PLEKHG4B: variants seen among roughly 807,000 people sequenced by gnomAD.
PLEKHG4B encodes pleckstrin homology domain-containing family G member 4B.
In PLEKHG4B, 111 loss-of-function variants were observed where a neutral mutation model predicts 121.3. That is an observed-to-expected ratio of 0.92 (90% CI 0.78 to 1.07). The LOEUF is 1.07. PLEKHG4B is among the 50% of genes least tolerant of loss of function. PLEKHG4B has a pLI of 0.00. For missense variants in PLEKHG4B, 1,831 were observed against 1,757.8 expected (o/e 1.04, Z -0.74); for synonymous variants, 738 against 725.0 (o/e 1.02, Z -0.29).
At chr5:154,324 T>C (rs541863318) in intron 7 of PLEKHG4B, among the ~76,000 whole-genome samples, 1 of 152,296 alleles carries the variant, frequency 6.6e-6, no homozygotes, top group Admixed American at 6.5e-5. Context: ...CTTTTTCTTT[T>C]TCTTTTTTTT....
intron 2 of PLEKHG4B, among the ~76,000 whole-genome samples, chr5:134,165 G>A (rs1437110734): frequency 1.5e-5 from 2 of 131,382 alleles, no homozygotes; most frequent in Admixed American, 8.3e-5. Context: ...CAAAATAATG[G>A]CATTTGCAGC....
chr5:174,178 G>A, intron 18 of PLEKHG4B, 80 bp downstream of exon 18: 6 of 1,086,166 alleles, frequency 5.5e-6, no homozygotes, highest in Non-Finnish European at 7.5e-6. Flanking sequence ...ACTGGGGTGA[G>A]AGCCAGGGGC....
chr5:155,401 A>C lies in PLEKHG4B; in HGVS notation c.2166A>C (p.Ser722=). Residue 722 remains serine (S), a synonymous_variant, in exon 9 of 20, where the codon TCA becomes TCC. Coordinates refer to ENST00000637938, the MANE Select transcript of PLEKHG4B (RefSeq NM_052909.5). ...CEEAIIFLQN[S]FCSLNTHRTP... ...AAGCCATCATTTTCCTACAGAATTCATTCTGCTCCCTGAACACCCACAGAA... is the reference window on the plus strand; with the variant it reads ...AAGCCATCATTTTCCTACAGAATTCCTTCTGCTCCCTGAACACCCACAGAA... 1 of 1,614,188 alleles carries C rather than the reference A, an allele frequency of 6.2e-7. No homozygotes were observed. Among genetic ancestry groups the C allele is most frequent in the Non-Finnish European group, 8.5e-7 (1 of 1,180,024 alleles).
At chr5:177,747 T>C (rs1310063687) in intron 18 of PLEKHG4B, among the ~76,000 whole-genome samples, 2 of 152,278 alleles carry the variant, frequency 1.3e-5, no homozygotes, top group South Asian at 4.2e-4. Flanking sequence ...TCCTAAGACT[T>C]TCTGGGCCAG....
chr5:107,081 C>T (rs2126345837), intron 1 of PLEKHG4B, among the ~76,000 whole-genome samples: 1 of 152,332 alleles, frequency 6.6e-6, no homozygotes, highest in Non-Finnish European at 1.5e-5. Context: ...TGGATGTAGA[C>T]CCACCTCTCT....
rs74804476 is a variant in PLEKHG4B at position 131,532 on chromosome 5, G to A, written c.244-7951G>A. 4.5e-4 allele frequency among the ~76,000 whole-genome samples: 68 copies of A among 152,240 alleles called. 2 individuals carry two copies. The East Asian group carries it at 0.013, about 29-fold the overall frequency. On this transcript the variant is annotated intron_variant, in intron 2 of 19. Coordinates refer to ENST00000637938, the MANE Select transcript of PLEKHG4B (RefSeq NM_052909.5). ...CTGTCATTGACAGACATTTGGGTTG[G>A]TTCCAAGTATTTGCTGTTGTGAATA... is the stretch of plus-strand genomic sequence containing the variant.
At chr5:120,899 G>A (rs910309639) in intron 2 of PLEKHG4B, among the ~76,000 whole-genome samples, 1 of 152,096 alleles carries the variant, frequency 6.6e-6, no homozygotes, top group Non-Finnish European at 1.5e-5. Context: ...TAAGTAATAT[G>A]GCAGATGAAG....
chr5:131,883 C>A (rs968527364), intron 2 of PLEKHG4B, among the ~76,000 whole-genome samples: 1 of 152,186 alleles, frequency 6.6e-6, no homozygotes, highest in Non-Finnish European at 1.5e-5. Context: ...AGCATAGTTT[C>A]ATGTGTCTGT....
rs141080444 is a variant in PLEKHG4B at position 107,189 on chromosome 5, C to G, written c.46-6062C>G. On this transcript the variant is annotated intron_variant, in intron 1 of 19. Transcript: ENST00000637938. ...CATCTCTGCCTGCTGGAGGAGGTGCCAGCCCTGCTGAGGCGGCCACATGTA... is the reference window on the plus strand; with the variant it reads ...CATCTCTGCCTGCTGGAGGAGGTGCGAGCCCTGCTGAGGCGGCCACATGTA... 7.9e-3 allele frequency among the ~76,000 whole-genome samples: 1,203 copies of G among 152,344 alleles called. 9 individuals are homozygous for G. Among genetic ancestry groups the G allele is most frequent in the Non-Finnish European group, 0.011 (736 of 68,034 alleles).
chr5:124,589 A>G (rs982527200), intron 2 of PLEKHG4B, among the ~76,000 whole-genome samples: 1 of 152,234 alleles, frequency 6.6e-6, no homozygotes, highest in African/African-American at 2.4e-5. Context: ...GTAAATGTCT[A>G]TAATTGTTAT....
intron 19 of PLEKHG4B, 50 bp downstream of exon 19, chr5:181,725 C>G: frequency 6.3e-7 from 1 of 1,581,992 alleles, no homozygotes; most frequent in South Asian, 1.2e-5. Flanking sequence ...GGCACTGGGC[C>G]TGTCATCAAG....
intron 2 of PLEKHG4B, among the ~76,000 whole-genome samples, chr5:122,474 C>T (rs371066380): frequency 4.0e-5 from 6 of 151,812 alleles, no homozygotes; most frequent in Admixed American, 6.6e-5. Context: ...GGCTGGAGTA[C>T]GGTGGTGCGA....
In PLEKHG4B at chr5:176,278, G is replaced by A. The variant is rs145017210; in HGVS notation, c.4402+2180G>A. 8.3e-3 allele frequency among the ~76,000 whole-genome samples: 1,245 copies of A among 149,906 alleles called. 392 individuals carry two copies. Among genetic ancestry groups the A allele is most frequent in the South Asian group, 0.02 (90 of 4,532 alleles). On this transcript the variant is annotated intron_variant, in intron 18 of 19. Coordinates refer to ENST00000637938, the MANE Select transcript of PLEKHG4B (RefSeq NM_052909.5). Reference sequence around the variant, plus strand: ...CCTTTTTCCTTCCTTTGTAACCCACGGTCCTGCTTCCTGTTTGGGGTCTGC... The same window carrying A: ...CCTTTTTCCTTCCTTTGTAACCCACAGTCCTGCTTCCTGTTTGGGGTCTGC...
chr5:155,962 G>A (rs1735764128), intron 9 of PLEKHG4B, 109 bp from the exon 10 acceptor site: 1 of 1,169,002 alleles, frequency 8.6e-7, no homozygotes, highest in South Asian at 1.9e-5. Context: ...ATGCCGCCAG[G>A]CCTGCAGCTT....
chr5:161,772 C>T lies in PLEKHG4B; in HGVS notation c.2488-11C>T. 6.2e-7 allele frequency: 1 copy of T among 1,613,484 alleles called. No individual in the cohort carries two copies. The highest frequency in any genetic ancestry group is 8.5e-7 in the Non-Finnish European group (1 of 1,180,016). ...CCGGGCTTGTACTGATGCTTTGTTC[C>T]TTGGGTACAGCAATCCTGCCAGAAA... On this transcript the variant is annotated splice_polypyrimidine_tract_variant and intron_variant, in intron 11 of 19. Transcript: ENST00000637938.
intron 2 of PLEKHG4B, among the ~76,000 whole-genome samples, chr5:124,197 G>A (rs1041616620): frequency 3.9e-5 from 6 of 151,966 alleles, no homozygotes; most frequent in Admixed American, 6.6e-5. Context: ...TGTGATCGGC[G>A]AAGATAATTT....
At chr5:94,646 G>A (rs958365659) in intron 1 of PLEKHG4B, among the ~76,000 whole-genome samples, 1 of 151,968 alleles carries the variant, frequency 6.6e-6, no homozygotes, top group Admixed American at 6.6e-5. Flanking sequence ...TGTTGGTCCT[G>A]GGCCTGGGAA....
At chr5:124,867 C>G (rs1734568249) in intron 2 of PLEKHG4B, among the ~76,000 whole-genome samples, 1 of 152,188 alleles carries the variant, frequency 6.6e-6, no homozygotes, top group Non-Finnish European at 1.5e-5. Context: ...GGTGTGGTGG[C>G]TCACACCTGT....
In PLEKHG4B at chr5:174,096, G is replaced by C; in HGVS notation, c.4400G>C (p.Arg1467Thr). 6.4e-7 allele frequency: 1 copy of C among 1,570,614 alleles called. No homozygotes were observed. The highest frequency in any genetic ancestry group is 8.6e-7 in the Non-Finnish European group (1 of 1,158,552). Residue 1467 changes from arginine (R) to threonine (T), a missense_variant and splice_region_variant, in exon 18 of 20, where the codon AGA becomes ACA. By Grantham distance (71) the Arg-to-Thr change is moderately conservative. Coordinates refer to ENST00000637938, the MANE Select transcript of PLEKHG4B (RefSeq NM_052909.5). ...CTGTGGCGGCAGGCACTAAAGAGCA[G>C]AGGTGGGAAGATGGGGGCCGCAGGG... ...RILWRQALKS[R>T]ELRIQEMASM...
Sources: allele counts gnomAD v4.1 joint callset (sites outside exome capture counted in the v4.1 genomes callset), GRCh38; gene constraint gnomAD v4.1.1; transcripts MANE v1.5; gene names NCBI Gene and HGNC (gene_info 2026-07-23, HGNC 2026-07-21).